TRAIP: variants seen among roughly 807,000 people sequenced by gnomAD.
TRAIP encodes TRAF interacting protein.
A neutral mutation model predicts 65.0 loss-of-function variants in TRAIP; 37 were observed. The observed-to-expected ratio is 0.57, with a 90% CI of 0.44 to 0.75. TRAIP has a LOEUF of 0.75. Ranked by LOEUF, TRAIP falls within the 30% of genes least tolerant of loss-of-function variation. The pLI, the probability that TRAIP is intolerant of heterozygous loss-of-function variation, is 0.00. For missense variants in TRAIP, 481 were observed against 579.4 expected, an observed-to-expected ratio of 0.83 and a Z score of 1.74; for synonymous variants, 187 against 219.1, an observed-to-expected ratio of 0.85 and a Z score of 1.29.
chr3:49,852,648 G>A (rs1379376832), intron 1 of TRAIP, among the ~76,000 whole-genome samples: 1 of 151,712 alleles, frequency 6.6e-6, no homozygotes, highest in African/African-American at 2.4e-5. Context: ...CCAGCTACTC[G>A]GGAGGCTGAG....
chr3:49,839,986 C>A, intron 9 of TRAIP, 126 bp from the exon 10 acceptor site: 1 of 960,730 alleles, frequency 1.0e-6, no homozygotes, highest in Non-Finnish European at 1.6e-6. Flanking sequence ...CCTGATACCT[C>A]ATCATTAGGC....
intron 11 of TRAIP, among the ~76,000 whole-genome samples, chr3:49,831,640 C>A (rs2081733694): frequency 6.6e-6 from 1 of 152,220 alleles, no homozygotes; most frequent in Non-Finnish European, 1.5e-5. Context: ...CCAGCCCAGA[C>A]CCACCCCTTC....
intron 10 of TRAIP, among the ~76,000 whole-genome samples, chr3:49,838,602 G>T (rs2081808374): frequency 6.6e-6 from 1 of 152,116 alleles, no homozygotes; most frequent in African/African-American, 2.4e-5. Context: ...GTAAACAAAA[G>T]CAACCAGGCA....
At chr3:49,837,572 T>C (rs535649659) in intron 10 of TRAIP, among the ~76,000 whole-genome samples, 17 of 152,110 alleles carry the variant, frequency 1.1e-4, no homozygotes, top group African/African-American at 4.1e-4. Context: ...CAAACAGACC[T>C]GCCACCGTAA....
intron 3 of TRAIP, among the ~76,000 whole-genome samples, chr3:49,845,254 C>A (rs986029018): frequency 6.6e-6 from 1 of 152,198 alleles, no homozygotes; most frequent in African/African-American, 2.4e-5. Flanking sequence ...GAAGCTGTGG[C>A]AGAATTGAAC....
At chr3:49,852,026 C>T (rs185415196) in intron 1 of TRAIP, among the ~76,000 whole-genome samples, 1 of 151,020 alleles carries the variant, frequency 6.6e-6, no homozygotes, top group Non-Finnish European at 1.5e-5. Context: ...TAAACAGGTA[C>T]ACAAGAAAAA....
chr3:49,847,053 G>A (rs1217112707), intron 3 of TRAIP, among the ~76,000 whole-genome samples: 1 of 151,972 alleles, frequency 6.6e-6, no homozygotes, highest in Non-Finnish European at 1.5e-5. Flanking sequence ...GGTGGCACGT[G>A]CCTGTAGTCC....
At chr3:49,848,037 G>A in intron 2 of TRAIP, 106 bp downstream of exon 2, 1 of 1,317,222 alleles carries the variant, frequency 7.6e-7, no homozygotes, top group Middle Eastern at 1.8e-4. Flanking sequence ...AACCAGGAGG[G>A]TCCAAAAAAG....
chr3:49,846,484 G>A (rs2108318650), intron 3 of TRAIP, among the ~76,000 whole-genome samples: 1 of 152,294 alleles, frequency 6.6e-6, no homozygotes, highest in East Asian at 1.9e-4. Flanking sequence ...AAAGTAGGCT[G>A]TACAGGATGG....
intron 11 of TRAIP, 74 bp from the exon 12 acceptor site, chr3:49,830,142 C>T (rs1396077430): frequency 2.6e-6 from 4 of 1,526,938 alleles, no homozygotes; most frequent in Admixed American, 1.7e-5. Flanking sequence ...TCAGCACACG[C>T]CCCTTGGGGA....
chr3:49,852,005 A>T (rs1019792456), intron 1 of TRAIP, among the ~76,000 whole-genome samples: 32 of 151,582 alleles, frequency 2.1e-4, no homozygotes, highest in African/African-American at 7.0e-4. Context: ...CCAAAAAAAC[A>T]TTTTTTTAAG....
intron 4 of TRAIP, 32 bp downstream of exon 4, chr3:49,844,509 T>C (rs1184301521): frequency 6.2e-7 from 1 of 1,612,688 alleles, no homozygotes; most frequent in Non-Finnish European, 8.5e-7. Flanking sequence ...AGTCAGGGGC[T>C]TCCCAGCACC....
At chr3:49,846,222 T>A (rs965237968) in intron 3 of TRAIP, among the ~76,000 whole-genome samples, 2 of 152,056 alleles carry the variant, frequency 1.3e-5, no homozygotes, top group East Asian at 3.9e-4. Context: ...CTAGGCAATT[T>A]TTTTTCTTTT....
intron 5 of TRAIP, 54 bp from the exon 6 acceptor site, chr3:49,842,601 C>G: frequency 6.6e-7 from 1 of 1,523,384 alleles, no homozygotes; most frequent in Non-Finnish European, 9.1e-7. Context: ...GGAGCCATTG[C>G]TAAAGTCACT....
chr3:49,845,284 C>A (rs1277988613), intron 3 of TRAIP, among the ~76,000 whole-genome samples: 1 of 152,206 alleles, frequency 6.6e-6, no homozygotes, highest in African/African-American at 2.4e-5. Context: ...GTTCAGGATG[C>A]CACAGAACTC....
intron 9 of TRAIP, 29 bp downstream of exon 9, chr3:49,840,255 A>G (rs748332399): frequency 6.2e-7 from 1 of 1,604,036 alleles, no homozygotes; most frequent in Admixed American, 1.7e-5. Context: ...ACCACCCCTC[A>G]TTCCTGTCAA....
At chr3:49,842,882 G>C (rs2081850651) in intron 5 of TRAIP, among the ~76,000 whole-genome samples, 1 of 152,148 alleles carries the variant, frequency 6.6e-6, no homozygotes, top group African/African-American at 2.4e-5. Flanking sequence ...ATGTTGTGCA[G>C]GTGGCTGAAG....
chr3:49,841,224 T>C, intron 7 of TRAIP, 152 bp from the exon 8 acceptor site: 1 of 665,860 alleles, frequency 1.5e-6, no homozygotes. Context: ...CAGGTGGCAC[T>C]GTGGAGGGTC....
rs751328533 is a variant in TRAIP at position 49,829,093 on chromosome 3, C to T, written c.*10G>A. On this transcript the variant is annotated 3_prime_UTR_variant, in exon 15 of 15. Transcript: ENST00000331456. ...GGCATGTGTCTGGCCATTGGTCAGA[C>T]TCACTGTTCTCACGACCACAGGAAG... 1.2e-6 allele frequency: 2 copies of T among 1,614,226 alleles called. No individual in the cohort carries two copies. Among genetic ancestry groups the T allele is most frequent in the Admixed American group, 1.7e-5 (1 of 60,032 alleles).
Sources: gnomAD v4.1 joint callset for allele counts (sites outside exome capture counted in the v4.1 genomes callset) on GRCh38, gnomAD v4.1.1 for gene constraint, MANE v1.5 for transcripts, NCBI Gene and HGNC (gene_info 2026-07-23, HGNC 2026-07-21) for gene names.